Variants in ICA1 observed in about 807,000 individuals in gnomAD.
ICA1 encodes the protein 69 kDa islet cell autoantigen.
A neutral mutation model predicts 71.0 loss-of-function variants in ICA1; 40 were observed. The observed-to-expected ratio is 0.56, with a 90% CI of 0.44 to 0.73. The LOEUF (loss-of-function observed/expected upper bound fraction) is 0.73. ICA1 is among the 30% of genes least tolerant of loss of function. The pLI is 0.00. For missense variants in ICA1, 578 were observed against 576.5 expected (o/e 1.00, Z -0.03); for synonymous variants, 207 against 209.5 (o/e 0.99, Z 0.10).
At chr7:8,207,634 T>C (rs369604185) in intron 6 of ICA1, among the ~76,000 whole-genome samples, 1 of 152,174 alleles carries the variant, frequency 6.6e-6, no homozygotes, top group Admixed American at 6.5e-5. Context: ...CTTTTTGAGG[T>C]AAGTGGGATG....
intron 1 of ICA1, among the ~76,000 whole-genome samples, chr7:8,254,777 A>C (rs1349091330): frequency 2.6e-5 from 4 of 152,046 alleles, no homozygotes; most frequent in Non-Finnish European, 5.9e-5. Context: ...GCTTAGCACA[A>C]ACACAACACA....
intron 8 of ICA1, among the ~76,000 whole-genome samples, chr7:8,152,609 C>T (rs1366968785): frequency 2.1e-5 from 3 of 140,696 alleles, no homozygotes; most frequent in African/African-American, 7.7e-5. Context: ...CCAGCACTAC[C>T]ACCATCACCT....
chr7:8,179,063 T>C (rs1388450206), intron 6 of ICA1, among the ~76,000 whole-genome samples: 1 of 152,184 alleles, frequency 6.6e-6, no homozygotes, highest in Non-Finnish European at 1.5e-5. Flanking sequence ...TACAGGCTCC[T>C]GTATGTGCTT....
intron 6 of ICA1, among the ~76,000 whole-genome samples, chr7:8,162,060 A>G (rs937574648): frequency 3.3e-5 from 5 of 152,234 alleles, no homozygotes; most frequent in Non-Finnish European, 7.3e-5. Flanking sequence ...AGATTTTCTA[A>G]CGAAATGCGA....
intron 13 of ICA1, among the ~76,000 whole-genome samples, chr7:8,124,634 G>T (rs1788435347): frequency 6.6e-6 from 1 of 152,134 alleles, no homozygotes; most frequent in Non-Finnish European, 1.5e-5. Context: ...CACCTGCTGG[G>T]AATCTGTAAG....
At chr7:8,197,168 GA>G (rs550550775) in intron 6 of ICA1, among the ~76,000 whole-genome samples, 18 of 146,226 alleles carry the variant, frequency 1.2e-4, no homozygotes, top group South Asian at 4.3e-4. Flanking sequence ...TGTAGATGCT[GA>G]AAAAAAAAAG....
intron 3 of ICA1, among the ~76,000 whole-genome samples, chr7:8,231,928 T>C (rs1359668074): frequency 6.6e-6 from 1 of 152,222 alleles, no homozygotes; most frequent in African/African-American, 2.4e-5. Context: ...TATATTAAAA[T>C]CTGAGTTCAT....
intron 6 of ICA1, among the ~76,000 whole-genome samples, chr7:8,194,385 C>T (rs903837914): frequency 2.6e-5 from 4 of 152,130 alleles, no homozygotes; most frequent in Admixed American, 1.3e-4. Context: ...AAATAAAAGA[C>T]GTTAACATCT....
chr7:8,177,680 T>C (rs1338526138), intron 6 of ICA1, among the ~76,000 whole-genome samples: 2 of 152,246 alleles, frequency 1.3e-5, no homozygotes, highest in African/African-American at 4.8e-5. Flanking sequence ...ACAGTATAGT[T>C]TTATTATGCT....
At chr7:8,204,213 T>G (rs1252754764) in intron 6 of ICA1, among the ~76,000 whole-genome samples, 1 of 152,136 alleles carries the variant, frequency 6.6e-6, no homozygotes, top group African/African-American at 2.4e-5. Flanking sequence ...CCCAGAAACC[T>G]TTTTTTCCAA....
chr7:8,164,464 G>C (rs899653025), intron 6 of ICA1, among the ~76,000 whole-genome samples: 1 of 152,042 alleles, frequency 6.6e-6, no homozygotes, highest in Non-Finnish European at 1.5e-5. Context: ...TGAGTGCTGG[G>C]GTGTGGAGGA....
chr7:8,203,868 C>A (rs1334034078), intron 6 of ICA1, among the ~76,000 whole-genome samples: 1 of 152,124 alleles, frequency 6.6e-6, no homozygotes, highest in African/African-American at 2.4e-5. Context: ...TACTTTCCAA[C>A]CATGAGCCTC....
chr7:8,207,504 A>T (rs1792007738), intron 6 of ICA1, among the ~76,000 whole-genome samples: 1 of 152,230 alleles, frequency 6.6e-6, no homozygotes, highest in Non-Finnish European at 1.5e-5. Context: ...TAATTTTATT[A>T]TACCTGTAAC....
intron 6 of ICA1, among the ~76,000 whole-genome samples, chr7:8,205,150 G>A (rs1299785234): frequency 2.0e-5 from 3 of 151,650 alleles, no homozygotes; most frequent in Admixed American, 6.6e-5. Context: ...AAAAGCAGAC[G>A]GAGGCCTGGA....
chr7:8,143,015 C>A (rs144944401), intron 9 of ICA1, among the ~76,000 whole-genome samples: 1 of 152,146 alleles, frequency 6.6e-6, no homozygotes, highest in Non-Finnish European at 1.5e-5. Context: ...TTTAGAAATA[C>A]AATAAAAGTA....
At chr7:8,206,224 T>G (rs1471423959) in intron 6 of ICA1, among the ~76,000 whole-genome samples, 1 of 152,206 alleles carries the variant, frequency 6.6e-6, no homozygotes, top group Non-Finnish European at 1.5e-5. Flanking sequence ...TCTTCCTTCC[T>G]GCTATTTGGT....
chr7:8,147,667 T>G (rs17330214), intron 8 of ICA1, among the ~76,000 whole-genome samples: 21,970 of 146,560 alleles, frequency 0.15, 1,616 homozygotes, highest in South Asian at 0.16. Context: ...TATTAAATAT[T>G]AGAATTTTGA....
intron 1 of ICA1, among the ~76,000 whole-genome samples, chr7:8,258,515 G>A (rs1226409439): frequency 1.3e-5 from 2 of 152,194 alleles, no homozygotes; most frequent in South Asian, 2.1e-4. Context: ...ACACTGGGGT[G>A]TATGCTTCAC....
In ICA1 at chr7:8,184,116, G is replaced by T. The variant is rs527251451; in HGVS notation, c.580-25464C>A. On this transcript the variant is annotated intron_variant, in intron 6 of 13. Coordinates refer to ENST00000402384, the MANE Select transcript of ICA1 (RefSeq NM_001136020.3). ...GCATCTTCTGCATACAGAAATCAATGGGCTTTTAACTTCCAAAAGCAAGGT... is the reference window on the plus strand; with the variant it reads ...GCATCTTCTGCATACAGAAATCAATTGGCTTTTAACTTCCAAAAGCAAGGT... Among the ~76,000 whole-genome samples the T allele has an allele frequency of 7.9e-5, 12 of 152,230 alleles. No individual in the cohort carries two copies. The South Asian group carries it at 2.3e-3, about 29-fold the overall frequency.
Sources: allele counts gnomAD v4.1 joint callset (sites outside exome capture counted in the v4.1 genomes callset), GRCh38; gene constraint gnomAD v4.1.1; transcripts MANE v1.5; gene names NCBI Gene and HGNC (gene_info 2026-07-23, HGNC 2026-07-21).